Variants in RPP30 observed in about 807,000 individuals in gnomAD.
The protein encoded by RPP30 is ribonuclease P/MRP subunit p30, also known as ribonuclease P protein subunit p30.
RPP30 carries 36 observed loss-of-function variants against 38.6 expected under a neutral mutation model. The ratio of observed to expected loss-of-function variants is 0.93; its 90% CI spans 0.71 to 1.23. The LOEUF is 1.23. Ranked by LOEUF, RPP30 falls within the 50% of genes most tolerant of loss-of-function variation. The pLI, the probability that RPP30 is intolerant of heterozygous loss-of-function variation, is 0.00. For missense variants in RPP30, 321 were observed against 321.7 expected, an observed-to-expected ratio of 1.00 and a Z score of 0.02; for synonymous variants, 126 against 112.7, an observed-to-expected ratio of 1.12 and a Z score of -0.75.
chr10:90,873,902 T>C (rs1251356139), intron 1 of RPP30, among the ~76,000 whole-genome samples: 1 of 152,170 alleles, frequency 6.6e-6, no homozygotes, highest in Non-Finnish European at 1.5e-5. Flanking sequence ...TTCCATAGAA[T>C]CCTTACTTAT....
rs748048008 is a variant in RPP30 at position 90,900,601 on chromosome 10, T to A, written c.729T>A (p.Ser243=). ...GAAAAACTGCTTTTGGAATTATCTC[T>A]ACAGTGAAGAAACCTCGGCCATCAG... is the stretch of plus-strand genomic sequence containing the variant. The part of the protein sequence containing the change: ...ETRKTAFGII[S]TVKKPRPSEG... The change falls in exon 11 of 11, where the codon TCT becomes TCA. Residue 243 remains serine, a synonymous_variant. Transcript: ENST00000371703. 6.2e-7 allele frequency: 1 copy of A among 1,613,502 alleles called. No individual in the cohort carries two copies. Among genetic ancestry groups the A allele is most frequent in the East Asian group, 2.2e-5 (1 of 44,868 alleles).
chr10:90,879,103 C>A lies in RPP30; in HGVS notation c.311C>A (p.Ala104Glu). Residue 104 changes from alanine to glutamate, a missense_variant, in exon 5 of 11, where the codon GCA (alanine) becomes GAA (glutamate). Transcript: ENST00000371703. Reference protein sequence around the residue: ...SSRARLYDVVAVFPKTEKLFH... With the variant: ...SSRARLYDVVEVFPKTEKLFH... ...AGGGCCCGGCTCTATGATGTTGTTG[C>A]AGTTTTTCCAAAGACAGAAAAGCTT... The A allele has an allele frequency of 4.3e-6, 7 of 1,613,926 alleles. No homozygotes were observed. Among genetic ancestry groups the A allele is most frequent in the Non-Finnish European group, 5.9e-6 (7 of 1,179,938 alleles).
chr10:90,897,696 A>G (rs1847156567), intron 10 of RPP30, among the ~76,000 whole-genome samples: 1 of 152,218 alleles, frequency 6.6e-6, no homozygotes, highest in South Asian at 2.1e-4. Context: ...AAATACATAC[A>G]TAATTTTATA....
downstream of RPP30, among the ~76,000 whole-genome samples, chr10:90,903,573 A>G (rs1179962763): frequency 6.6e-6 from 1 of 152,206 alleles, no homozygotes; most frequent in African/African-American, 2.4e-5. Flanking sequence ...CGTGCTTTCT[A>G]TTCATACATG....
At position 90,901,701 on chromosome 10, in the gene RPP30, C is replaced by T; in HGVS notation, c.*1022C>T. The T allele has an allele frequency of 8.1e-6, 8 of 983,418 alleles. No homozygotes were observed. Among genetic ancestry groups the T allele is most frequent in the Non-Finnish European group, 9.7e-6 (8 of 828,252 alleles). The allele number at this position is 983,418 out of a possible 1,614,324, so 60.9% of individuals were successfully genotyped here. On this transcript the variant is annotated 3_prime_UTR_variant, in exon 11 of 11. Transcript: ENST00000371703. Reference sequence around the variant, plus strand: ...AAGTAGCTTTTTATGCAAATACATGCATTTATGCAATATTAATGTAAGGGC... The same window carrying T: ...AAGTAGCTTTTTATGCAAATACATGTATTTATGCAATATTAATGTAAGGGC...
At chr10:90,887,543 C>T (rs190295925) in intron 6 of RPP30, among the ~76,000 whole-genome samples, 20 of 151,912 alleles carry the variant, frequency 1.3e-4, no homozygotes, top group Admixed American at 1.0e-3. Context: ...CCACCATGTC[C>T]GGCTAATTTT....
At chr10:90,880,365 AAC>A (rs546660955) in intron 5 of RPP30, among the ~76,000 whole-genome samples, 33 of 107,276 alleles carry the variant, frequency 3.1e-4, no homozygotes, top group African/African-American at 2.7e-3. Context: ...TATTTATATT[AAC>A]AGAGAAACAG....
downstream of RPP30, chr10:90,906,165 T>C (rs1207518789): frequency 1.3e-5 from 2 of 152,158 alleles, no homozygotes; most frequent in Admixed American, 1.3e-4. Context: ...ACAGATGTTA[T>C]GGGGAAAAAG....
chr10:90,905,725 TAAAAG>T (rs1438236307), downstream of RPP30: 1 of 152,102 alleles, frequency 6.6e-6, no homozygotes, highest in African/African-American at 2.4e-5. Context: ...GGTTGAAAGT[TAAAAG>T]AAAAAAAGAT....
chr10:90,896,715 T>C (rs545542281), intron 10 of RPP30, among the ~76,000 whole-genome samples: 1 of 152,330 alleles, frequency 6.6e-6, no homozygotes, highest in South Asian at 2.1e-4. Context: ...GCTTTCCCTG[T>C]TGAAAATCTC....
At chr10:90,896,517 C>A (rs578016881) in intron 10 of RPP30, 125 bp downstream of exon 10, 2 of 671,356 alleles carry the variant, frequency 3.0e-6, no homozygotes, top group East Asian at 2.7e-5. Flanking sequence ...TCAACCTGTT[C>A]TAAACACAGT....
At chr10:90,884,577 T>C (rs1489660648) in intron 5 of RPP30, among the ~76,000 whole-genome samples, 1 of 152,236 alleles carries the variant, frequency 6.6e-6, no homozygotes, top group East Asian at 1.9e-4. Context: ...AGATTCTTTA[T>C]GAGCCAAGTA....
chr10:90,879,152 A>G lies in RPP30; in HGVS notation c.342+18A>G, dbSNP rs781547144. ...TTTTTCATGTGAGTAACAGATAAGT[A>G]AAAGAAAGTAGTGTATATATGTTAT... On this transcript the variant is annotated intron_variant, in intron 5 of 10. Transcript: ENST00000371703. 4 of 1,586,844 alleles carry G rather than the reference A, an allele frequency of 2.5e-6. No homozygotes were observed. Among genetic ancestry groups the G allele is most frequent in the Non-Finnish European group, 8.7e-7 (1 of 1,155,464 alleles).
In RPP30 at chr10:90,875,246, T is replaced by C. The variant is rs544470370; in HGVS notation, c.139-312T>C. Among the ~76,000 whole-genome samples the C allele has an allele frequency of 5.1e-3, 499 of 97,312 alleles. 9 individuals carry two copies. The highest frequency in any genetic ancestry group is 1.2e-3 in the Non-Finnish European group (61 of 52,446). 63.8% of individuals were successfully genotyped at this position (97,312 alleles called of 152,430 possible). ...TTTTTATTCTATTGTCATGGGCTTATTAACTACTTTCTCTCTTAAACATTA... is the reference window on the plus strand; with the variant it reads ...TTTTTATTCTATTGTCATGGGCTTACTAACTACTTTCTCTCTTAAACATTA... On this transcript the variant is annotated intron_variant, in intron 2 of 10. Coordinates refer to ENST00000371703, the MANE Select transcript of RPP30 (RefSeq NM_006413.5).
chr10:90,880,827 CT>C (rs35472372), intron 5 of RPP30, among the ~76,000 whole-genome samples: 31,577 of 152,030 alleles, frequency 0.21, 4,122 homozygotes, highest in African/African-American at 0.36. Flanking sequence ...ACCTGTAGAA[CT>C]TTTTAAAATC....
At chr10:90,894,663 C>T in intron 6 of RPP30, 112 bp from the exon 7 acceptor site, 1 of 757,814 alleles carries the variant, frequency 1.3e-6, no homozygotes, top group Non-Finnish European at 2.3e-6. Context: ...TGTACCTTGA[C>T]ATGTAAGGGG....
chr10:90,885,805 T>C lies in RPP30; in HGVS notation c.343-7T>C. 6.2e-7 allele frequency: 1 copy of C among 1,603,710 alleles called. No individual in the cohort carries two copies. Among genetic ancestry groups the C allele is most frequent in the Non-Finnish European group, 8.5e-7 (1 of 1,173,588 alleles). On this transcript the variant is annotated splice_region_variant and splice_polypyrimidine_tract_variant and intron_variant, in intron 5 of 10. Coordinates refer to ENST00000371703, the MANE Select transcript of RPP30 (RefSeq NM_006413.5). ...TTTGGCCTTACCTATTTTTTTCTTC[T>C]TTACAGATTGCTTGCACACATTTAG...
chr10:90,895,404 CT>C, intron 7 of RPP30, 49 bp from the exon 8 acceptor site: 18 of 1,115,596 alleles, frequency 1.6e-5, no homozygotes, highest in South Asian at 1.3e-4. Flanking sequence ...TATGAAACTC[CT>C]TTTTTTACAT....
chr10:90,873,690 G>A (rs1043774326), intron 1 of RPP30, among the ~76,000 whole-genome samples: 1 of 152,096 alleles, frequency 6.6e-6, no homozygotes, highest in East Asian at 1.9e-4. Context: ...ATCCTAAATG[G>A]GTATAACAAG....
Sources: gnomAD v4.1 joint callset for allele counts (sites outside exome capture counted in the v4.1 genomes callset) on GRCh38, gnomAD v4.1.1 for gene constraint, MANE v1.5 for transcripts, NCBI Gene and HGNC (gene_info 2026-07-23, HGNC 2026-07-21) for gene names.